Variants in SBF1 observed in about 807,000 individuals in gnomAD.
The protein encoded by SBF1 is SET binding factor 1, also known as myotubularin-related protein 5.
SBF1 carries 65 observed loss-of-function variants against 215.8 expected under a neutral mutation model. That is an observed-to-expected ratio of 0.30 (90% CI 0.25 to 0.37). SBF1 has a LOEUF of 0.37. SBF1 is among the 10% of genes least tolerant of loss of function. The pLI is 1.00. For synonymous variants in SBF1, 1,410 were observed against 1,122.8 expected (o/e 1.26, Z -5.11); for missense variants, 2,634 against 2,667.8 (o/e 0.99, Z 0.28).
Position 50,455,074 on chromosome 22 carries a change from A to G in SBF1, c.4623T>C (p.His1541=), listed in dbSNP as rs755292355. 1.4e-5 allele frequency: 22 copies of G among 1,613,970 alleles called. No homozygotes were observed. The East Asian group carries it at 3.3e-4, about 25-fold the overall frequency. ...QFYLKFLGYH[H]VSRRFRTFLL... is the part of the protein sequence containing the mutation. ...GGAAGGTCCGGAAACGGCGGGACACATGGTGGTAGCCGAGGAACTTGAGGT... is the reference window on the plus strand; with the variant it reads ...GGAAGGTCCGGAAACGGCGGGACACGTGGTGGTAGCCGAGGAACTTGAGGT... Residue 1541 remains histidine (H), a synonymous_variant, in exon 34 of 41, where the codon CAT becomes CAC. Transcript: ENST00000380817.
At chr22:50,460,783 A>G in intron 23 of SBF1, 71 bp from the exon 24 acceptor site, 1 of 1,494,858 alleles carries the variant, frequency 6.7e-7, no homozygotes, top group South Asian at 1.2e-5. Context: ...TGACACTGCC[A>G]GGCTCCCCTT....
At position 50,467,284 on chromosome 22, in the gene SBF1, G is replaced by A. The variant is rs1384531367; in HGVS notation, c.549+54C>T. On this transcript the variant is annotated intron_variant, in intron 5 of 40. Transcript: ENST00000380817. ...GGCTGGGCTCCAAATACCTACCAGGGCCCCAGCAGGAGGGCCTGTGGCTGT... is the reference window on the plus strand; with the variant it reads ...GGCTGGGCTCCAAATACCTACCAGGACCCCAGCAGGAGGGCCTGTGGCTGT... The A allele has an allele frequency of 1.2e-5, 18 of 1,455,546 alleles. No individual in the cohort carries two copies. The Admixed American group carries it at 2.9e-4, about 24-fold the overall frequency. 90.2% of individuals were successfully genotyped at this position (1,455,546 alleles called of 1,614,324 possible).
intron 16 of SBF1, 131 bp from the exon 17 acceptor site, chr22:50,463,069 G>A: frequency 8.7e-7 from 1 of 1,143,908 alleles, no homozygotes; most frequent in Admixed American, 2.0e-5. Context: ...CCCCAAGGCT[G>A]CCTCAGAGGC....
At chr22:50,458,740 G>A (rs2067367985) in intron 28 of SBF1, among the ~76,000 whole-genome samples, 2 of 152,194 alleles carry the variant, frequency 1.3e-5, no homozygotes, top group African/African-American at 4.8e-5. Context: ...GAGACAGCAA[G>A]GCCAGCTCGG....
rs188479554 is a variant in SBF1 at position 50,457,358 on chromosome 22, C to G, written c.3827-247G>C. 787 of 427,976 alleles carry G rather than the reference C, an allele frequency of 1.8e-3. 6 individuals carry two copies. Among genetic ancestry groups the G allele is most frequent in the African/African-American group, 8.8e-3 (428 of 48,764 alleles). The allele number at this position is 427,976 out of a possible 1,614,324, so 26.5% of individuals were successfully genotyped here. A position where few individuals can be genotyped will look rare whatever the true frequency, so the allele number is the denominator to read the frequency against. On this transcript the variant is annotated intron_variant, in intron 28 of 40. Coordinates refer to ENST00000380817, the MANE Select transcript of SBF1 (RefSeq NM_002972.4). ...AGGGCTATGCGGTGGGGATCCCGGG[C>G]TCTCCTCTAACACTTCCTTTCTTCC...
chr22:50,449,625 A>AACACACACACACAC lies in SBF1; in HGVS notation c.5044-989_5044-976dup, dbSNP rs59541336. Among the ~76,000 whole-genome samples the AACACACACACACAC allele has an allele frequency of 1.0e-3, 148 of 146,956 alleles. 3 individuals carry two copies. The East Asian group carries it at 0.016, about 16-fold the overall frequency. ...GTGAGATTCTGTCTCAAAACACACAAACACACACACACACACACACACACA... is the reference window on the plus strand; with the variant it reads ...GTGAGATTCTGTCTCAAAACACACAAACACACACACACACACACACACACACACACACACACACA... On this transcript the variant is annotated intron_variant, in intron 36 of 40. Coordinates refer to ENST00000380817, the MANE Select transcript of SBF1 (RefSeq NM_002972.4).
At chr22:50,472,604 G>A (rs1405138192) in intron 1 of SBF1, among the ~76,000 whole-genome samples, 5 of 152,194 alleles carry the variant, frequency 3.3e-5, no homozygotes, top group African/African-American at 7.2e-5. Context: ...CAGCCTGGGA[G>A]GTTAGCATGA....
rs577871792 is a variant in SBF1, at chr22:50,467,872, A to G, written c.193T>C (p.Phe65Leu). 6.2e-7 allele frequency: 1 copy of G among 1,614,022 alleles called. No homozygotes were observed. Among genetic ancestry groups the G allele is most frequent in the Non-Finnish European group, 8.5e-7 (1 of 1,179,974 alleles). The change falls in exon 3 of 41, where the codon TTC (phenylalanine) becomes CTC (leucine). Residue 65 changes from phenylalanine (F) to leucine (L), a missense_variant. Transcript: ENST00000380817. ...ATGTCGGTGAGGACAGCAACAAAGAAGGTCGGTGGATTCCTCTCGGGACAC... is the reference window on the plus strand; with the variant it reads ...ATGTCGGTGAGGACAGCAACAAAGAGGGTCGGTGGATTCCTCTCGGGACAC... ...QLCPERNPPT[F>L]FVAVLTDINS...
intron 36 of SBF1, among the ~76,000 whole-genome samples, chr22:50,453,606 T>C (rs994114338): frequency 2.0e-5 from 3 of 151,940 alleles, no homozygotes; most frequent in Admixed American, 6.6e-5. Flanking sequence ...GCTAACACGG[T>C]AAAACCCCGT....
rs868642707 is a variant in SBF1, at chr22:50,445,113, C to G, written c.*2029G>C. The G allele has an allele frequency of 2.0e-5, 3 of 152,606 alleles. No homozygotes were observed. The highest frequency in any genetic ancestry group is 6.5e-5 in the Admixed American group (1 of 15,282). The allele number at this position is 152,606 out of a possible 1,614,324, so 9.5% of individuals were successfully genotyped here. On this transcript the variant is annotated 3_prime_UTR_variant, in exon 41 of 41. Transcript: ENST00000380817. ...AAACCGCGTACTGTGAACCTTCCGGCCCCAAAGCCCCGGCCCGGCCAGGGG... is the reference window on the plus strand; with the variant it reads ...AAACCGCGTACTGTGAACCTTCCGGGCCCAAAGCCCCGGCCCGGCCAGGGG...
At position 50,465,232 on chromosome 22, in the gene SBF1, C is replaced by T. The variant is rs1351892286; in HGVS notation, c.1186G>A (p.Val396Ile). The change falls in exon 11 of 41, where the codon GTC (valine) becomes ATC (isoleucine). Residue 396 changes from valine to isoleucine, a missense_variant. Transcript: ENST00000380817. ...CACCCCACCTTATGGAAGCGGATGA[C>T]AGGCTCCGGGTGGATGCGCACGACG... ...LHVVRIHPEP[V>I]IRFHKAAFLG... The T allele has an allele frequency of 1.2e-6, 2 of 1,612,458 alleles. No homozygotes were observed. Among genetic ancestry groups the T allele is most frequent in the Non-Finnish European group, 1.7e-6 (2 of 1,179,506 alleles).
intron 4 of SBF1, 26 bp downstream of exon 4, chr22:50,467,506 C>T (rs1317065167): frequency 3.7e-6 from 6 of 1,613,770 alleles, no homozygotes; most frequent in Non-Finnish European, 5.1e-6. Flanking sequence ...CTCGTCGTGC[C>T]TCGCCGCCCC....
chr22:50,451,647 A>C (rs148908585), intron 36 of SBF1, among the ~76,000 whole-genome samples: 118 of 152,286 alleles, frequency 7.7e-4, no homozygotes, highest in African/African-American at 2.8e-3. Flanking sequence ...GAAAGCAAAA[A>C]CCACAATGGT....
Position 50,469,951 on chromosome 22 carries a change from G to A in SBF1, c.56-1490C>T, listed in dbSNP as rs560975483. Among the ~76,000 whole-genome samples the A allele has an allele frequency of 1.2e-4, 19 of 152,304 alleles. No individual in the cohort carries two copies. In the South Asian group the frequency reaches 3.3e-3, roughly 27 times the overall value. ...GCTAAGTGGGAGATGGTGGGGCGGTGAGGGGCCGATTCTGACTCACAAAAC... is the reference window on the plus strand; with the variant it reads ...GCTAAGTGGGAGATGGTGGGGCGGTAAGGGGCCGATTCTGACTCACAAAAC... On this transcript the variant is annotated intron_variant, in intron 1 of 40. Transcript: ENST00000380817.
At position 50,446,785 on chromosome 22, in the gene SBF1, G is replaced by T; in HGVS notation, c.*357C>A. 1.7e-6 allele frequency: 1 copy of T among 584,274 alleles called. No individual in the cohort carries two copies. Among genetic ancestry groups the T allele is most frequent in the South Asian group, 1.5e-5 (1 of 68,806 alleles). 36.2% of individuals were successfully genotyped at this position (584,274 alleles called of 1,614,324 possible). A position where few individuals can be genotyped will look rare whatever the true frequency, so the allele number is the denominator to read the frequency against. On this transcript the variant is annotated 3_prime_UTR_variant, in exon 41 of 41. Transcript: ENST00000380817. The stretch of plus-strand genomic sequence containing the variant: ...GCCGAGAGCAGGCAGCCGGGGAGTG[G>T]GGAAGGCAGGCACAGGAGCGTGGCG...
chr22:50,448,484 G>A (rs775846409), intron 37 of SBF1, 40 bp from the exon 38 acceptor site: 14 of 1,608,396 alleles, frequency 8.7e-6, no homozygotes, highest in Admixed American at 3.3e-5. Context: ...GGGCTGGACA[G>A]ACTCCACTTT....
chr22:50,467,683 G>A lies in SBF1; in HGVS notation c.287C>T (p.Thr96Met), dbSNP rs1449459235. 12 of 1,611,698 alleles carry A rather than the reference G, an allele frequency of 7.4e-6. No homozygotes were observed. Among genetic ancestry groups the A allele is most frequent in the Admixed American group, 1.7e-5 (1 of 59,872 alleles). The change falls in exon 4 of 41, where the codon ACG becomes ATG. Residue 96 changes from threonine to methionine, a missense_variant. Coordinates refer to ENST00000380817, the MANE Select transcript of SBF1 (RefSeq NM_002972.4). The part of the protein sequence containing the change: ...WEPAEPSQET[T>M]RVEDATEREE... Reference sequence around the variant, plus strand: ...CCTCTCTGTGGCATCCTCCACGCGCGTCGTTTCCTGCTGGGGGTCAGGGGG... The same window carrying A: ...CCTCTCTGTGGCATCCTCCACGCGCATCGTTTCCTGCTGGGGGTCAGGGGG...
In SBF1 at chr22:50,461,163, A is replaced by G; in HGVS notation, c.2963T>C (p.Phe988Ser). The G allele has an allele frequency of 6.3e-7, 1 of 1,596,988 alleles. No homozygotes were observed. Among genetic ancestry groups the G allele is most frequent in the Non-Finnish European group, 8.5e-7 (1 of 1,169,614 alleles). ...QDGLQLRSCT[F>S]QLLKMAFDEE... The stretch of plus-strand genomic sequence containing the variant: ...CACCCGCGCACCGCGCCCCACCTGG[A>G]ATGTGCAGGAGCGCAGCTGGAGCCC... The change falls in exon 23 of 41, where the codon TTC becomes TCC. Residue 988 changes from phenylalanine to serine, a missense_variant. Coordinates refer to ENST00000380817, the MANE Select transcript of SBF1 (RefSeq NM_002972.4).
rs2066808396 is a variant in SBF1 at position 50,446,356 on chromosome 22, T to TACCCCCCCCCCCCCCCCCCC, written c.*785_*786insGGGGGGGGGGGGGGGGGGGT. 1 of 35,048 alleles carries TACCCCCCCCCCCCCCCCCCC rather than the reference T, an allele frequency of 2.9e-5. No homozygotes were observed. The highest frequency in any genetic ancestry group is 5.8e-5 in the Non-Finnish European group (1 of 17,172). 2.2% of individuals were successfully genotyped at this position (35,048 alleles called of 1,614,324 possible). ...CCTGCATTCCCCTGGGAGCCCACTG[T>TACCCCCCCCCCCCCCCCCCC]CCCCCCCCCCCCCCCGCCTCCGGCC... is the stretch of plus-strand genomic sequence containing the variant. On this transcript the variant is annotated 3_prime_UTR_variant, in exon 41 of 41. Coordinates refer to ENST00000380817, the MANE Select transcript of SBF1 (RefSeq NM_002972.4).
Sources: gnomAD v4.1 joint callset for allele counts (sites outside exome capture counted in the v4.1 genomes callset) on GRCh38, gnomAD v4.1.1 for gene constraint, MANE v1.5 for transcripts, NCBI Gene and HGNC (gene_info 2026-07-23, HGNC 2026-07-21) for gene names.